CLEC16A: variants seen among roughly 807,000 people sequenced by gnomAD.
CLEC16A encodes the protein protein CLEC16A.
Under a neutral mutation model 109.5 loss-of-function variants are expected in CLEC16A, and 51 were observed. The ratio of observed to expected loss-of-function variants is 0.47; its 90% CI spans 0.37 to 0.59. The LOEUF is 0.59. Among genes scored for constraint, CLEC16A ranks in the 20% least tolerant of loss-of-function variants. The pLI, the probability that CLEC16A is intolerant of heterozygous loss-of-function variation, is 0.00. For synonymous variants in CLEC16A, 673 were observed against 564.2 expected, an observed-to-expected ratio of 1.19 and a Z score of -2.73; for missense variants, 1,339 against 1,394.0, an observed-to-expected ratio of 0.96 and a Z score of 0.63.
chr16:11,007,709 G>A (rs148090608), intron 11 of CLEC16A, among the ~76,000 whole-genome samples: 1 of 152,336 alleles, frequency 6.6e-6, no homozygotes, highest in Non-Finnish European at 1.5e-5. Flanking sequence ...TGGGCACCAA[G>A]CACGTTTCTG....
At chr16:11,014,566 T>G (rs528069774) in intron 11 of CLEC16A, among the ~76,000 whole-genome samples, 2 of 152,330 alleles carry the variant, frequency 1.3e-5, no homozygotes, top group East Asian at 3.9e-4. Flanking sequence ...TGAAAAATAG[T>G]ACAGGTAACA....
At chr16:11,032,869 C>A (rs1485617028) in intron 13 of CLEC16A, among the ~76,000 whole-genome samples, 4 of 152,080 alleles carry the variant, frequency 2.6e-5, no homozygotes, top group African/African-American at 4.8e-5. Flanking sequence ...AGAGGAATTG[C>A]CATTTTTTCT....
chr16:11,035,674 G>A (rs1043259398), intron 13 of CLEC16A, among the ~76,000 whole-genome samples: 1 of 152,194 alleles, frequency 6.6e-6, no homozygotes, highest in African/African-American at 2.4e-5. Context: ...AGCATTCTAC[G>A]TCATATGCCT....
chr16:11,095,559 C>A (rs1451006696), intron 19 of CLEC16A, among the ~76,000 whole-genome samples: 1 of 152,194 alleles, frequency 6.6e-6, no homozygotes. Context: ...CGCCTGTAAT[C>A]CCAACACTTT....
chr16:11,073,143 G>A (rs2049162566), intron 19 of CLEC16A, among the ~76,000 whole-genome samples: 1 of 152,194 alleles, frequency 6.6e-6, no homozygotes, highest in Non-Finnish European at 1.5e-5. Flanking sequence ...TATGTACATG[G>A]CATTCAAAGA....
In CLEC16A at chr16:10,944,569, T is replaced by C. The variant is rs940155734; in HGVS notation, c.-149T>C. The stretch of plus-strand genomic sequence containing the variant: ...GCCGGTTCCGGCTGAATGTCAGTGC[T>C]GGGCTGTGGGCCGGGGAGGAAGGCG... On this transcript the variant is annotated 5_prime_UTR_variant, in exon 1 of 24. Coordinates refer to ENST00000409790, the MANE Select transcript of CLEC16A (RefSeq NM_015226.3). 5.3e-6 allele frequency: 4 copies of C among 749,472 alleles called. No homozygotes were observed. The highest frequency in any genetic ancestry group is 1.8e-5 in the South Asian group (1 of 57,052). 46.4% of individuals were successfully genotyped at this position (749,472 alleles called of 1,614,324 possible). A position where few individuals can be genotyped will look rare whatever the true frequency, so the allele number is the denominator to read the frequency against.
chr16:11,072,127 G>A (rs1028363160), intron 19 of CLEC16A, among the ~76,000 whole-genome samples: 2 of 152,016 alleles, frequency 1.3e-5, no homozygotes, highest in African/African-American at 4.8e-5. Context: ...CTGTTACACT[G>A]TTGTTTCTTT....
chr16:11,021,038 C>G (rs374087630), intron 12 of CLEC16A, among the ~76,000 whole-genome samples: 61 of 152,304 alleles, frequency 4.0e-4, no homozygotes, highest in African/African-American at 1.4e-3. Context: ...CACTACCTTC[C>G]TGTTCATAAA....
chr16:11,020,183 T>C lies in CLEC16A; in HGVS notation c.1304-10T>C. The C allele has an allele frequency of 6.2e-7, 1 of 1,605,744 alleles. No homozygotes were observed. Among genetic ancestry groups the C allele is most frequent in the Non-Finnish European group, 8.5e-7 (1 of 1,175,454 alleles). On this transcript the variant is annotated splice_polypyrimidine_tract_variant and intron_variant, in intron 11 of 23. Coordinates refer to ENST00000409790, the MANE Select transcript of CLEC16A (RefSeq NM_015226.3). ...TCTGGACTCATCCCAGTCTCCATTT[T>C]GGCTTCCAGAGATCGAGATGGTGAT...
chr16:11,084,660 C>A (rs1277573821), intron 19 of CLEC16A, among the ~76,000 whole-genome samples: 1 of 152,172 alleles, frequency 6.6e-6, no homozygotes, highest in Non-Finnish European at 1.5e-5. Flanking sequence ...CAGCATTAGT[C>A]TTCTGAACTC....
At chr16:11,132,484 C>T (rs1180517124) in intron 22 of CLEC16A, among the ~76,000 whole-genome samples, 1 of 152,024 alleles carries the variant, frequency 6.6e-6, no homozygotes, top group Non-Finnish European at 1.5e-5. Context: ...GCTGTGTCTG[C>T]CTTTTGGCTA....
chr16:10,985,904 C>T (rs1235575317), intron 10 of CLEC16A, among the ~76,000 whole-genome samples: 1 of 150,680 alleles, frequency 6.6e-6, no homozygotes, highest in Non-Finnish European at 1.5e-5. Context: ...TGGGCTTTCA[C>T]CATGTTGGCC....
chr16:10,948,062 T>C (rs1290783009), intron 1 of CLEC16A, among the ~76,000 whole-genome samples: 2 of 151,934 alleles, frequency 1.3e-5, no homozygotes, highest in Non-Finnish European at 2.9e-5. Flanking sequence ...CCCAGCTAAT[T>C]TTTTGTATTT....
Position 10,971,243 on chromosome 16 carries a change from A to G in CLEC16A, c.598+13A>G, listed in dbSNP as rs200906965. The G allele has an allele frequency of 1.6e-5, 25 of 1,577,088 alleles. No individual in the cohort carries two copies. Among genetic ancestry groups the G allele is most frequent in the Non-Finnish European group, 2.2e-5 (25 of 1,148,232 alleles). The stretch of plus-strand genomic sequence containing the variant: ...AATGTCTATAAAGGTAAGTGTCCTC[A>G]TGGGCTTGTGTCTCGGCTGATTTCT... On this transcript the variant is annotated intron_variant, in intron 5 of 23. Transcript: ENST00000409790.
rs1008448907 is a variant in CLEC16A at position 10,944,598 on chromosome 16, C to G, written c.-120C>G. Reference sequence around the variant, plus strand: ...CTGTGGGCCGGGGAGGAAGGCGGCTCGCGGTTCCTCCACCGCCTCCGCCGC... The same window carrying G: ...CTGTGGGCCGGGGAGGAAGGCGGCTGGCGGTTCCTCCACCGCCTCCGCCGC... On this transcript the variant is annotated 5_prime_UTR_variant, in exon 1 of 24. Coordinates refer to ENST00000409790, the MANE Select transcript of CLEC16A (RefSeq NM_015226.3). The G allele has an allele frequency of 2.1e-6, 2 of 959,614 alleles. No individual in the cohort carries two copies. The highest frequency in any genetic ancestry group is 1.6e-5 in the African/African-American group (1 of 60,798). The allele number at this position is 959,614 out of a possible 1,614,324, so 59.4% of individuals were successfully genotyped here. A position where few individuals can be genotyped will look rare whatever the true frequency, so the allele number is the denominator to read the frequency against.
chr16:11,135,121 G>T (rs1391271460), intron 22 of CLEC16A, among the ~76,000 whole-genome samples: 1 of 152,232 alleles, frequency 6.6e-6, no homozygotes, highest in Non-Finnish European at 1.5e-5. Flanking sequence ...AAAGCAGCAG[G>T]ATTTGAGCCC....
At position 11,042,342 on chromosome 16, in the gene CLEC16A, C is replaced by G; in HGVS notation, c.1749C>G (p.Asp583Glu). Residue 583 changes from aspartate to glutamate, a missense_variant, in exon 15 of 24, where the codon GAC (aspartate) becomes GAG (glutamate). Coordinates refer to ENST00000409790, the MANE Select transcript of CLEC16A (RefSeq NM_015226.3). ...VLMSAGCIMK[D>E]VHLACLEGAR... ...TGAGTGCTGGCTGCATCATGAAGGA[C>G]GTGCACCTGGCCTGCCTGGAGGTAA... The G allele has an allele frequency of 6.3e-7, 1 of 1,588,918 alleles. No homozygotes were observed. The highest frequency in any genetic ancestry group is 8.6e-7 in the Non-Finnish European group (1 of 1,167,932).
chr16:11,132,000 A>T (rs1436359836), intron 22 of CLEC16A, among the ~76,000 whole-genome samples: 1 of 152,022 alleles, frequency 6.6e-6, no homozygotes, highest in Non-Finnish European at 1.5e-5. Context: ...CTGCTCCGAT[A>T]CCTCAAAAAG....
intron 21 of CLEC16A, 147 bp downstream of exon 21, chr16:11,124,093 G>T: frequency 2.5e-6 from 2 of 800,386 alleles, no homozygotes; most frequent in South Asian, 3.6e-5. Flanking sequence ...ATACGAGGAA[G>T]TTCCATTTCC....
Sources: gnomAD v4.1 joint callset for allele counts (sites outside exome capture counted in the v4.1 genomes callset) on GRCh38, gnomAD v4.1.1 for gene constraint, MANE v1.5 for transcripts, NCBI Gene and HGNC (gene_info 2026-07-23, HGNC 2026-07-21) for gene names.